GPATCH1: variants seen among roughly 807,000 people sequenced by gnomAD.
The protein encoded by GPATCH1 is G-patch domain containing 1.
In GPATCH1, 73 loss-of-function variants were observed where a neutral mutation model predicts 114.9. The observed-to-expected ratio is 0.64, with a 90% CI of 0.53 to 0.77. The LOEUF is 0.77. Ranked by LOEUF, GPATCH1 falls within the 30% of genes least tolerant of loss-of-function variation. GPATCH1 has a pLI of 0.00. For synonymous variants in GPATCH1, 391 were observed against 428.4 expected (o/e 0.91, Z 1.08); for missense variants, 1,058 against 1,144.3 (o/e 0.92, Z 1.09).
chr19:33,113,521 C>G (rs1212994047), intron 13 of GPATCH1: 2 of 421,604 alleles, frequency 4.7e-6, no homozygotes, highest in Non-Finnish European at 8.5e-6. Flanking sequence ...ATATTTTTAT[C>G]AGTGGAGCTT....
chr19:33,091,579 G>A lies in GPATCH1; in HGVS notation c.294+714G>A, dbSNP rs1459739482. Among the ~76,000 whole-genome samples, 7 of 151,944 alleles carry A rather than the reference G, an allele frequency of 4.6e-5. No individual in the cohort carries two copies. The South Asian group carries it at 1.2e-3, about 27-fold the overall frequency. Reference sequence around the variant, plus strand: ...ACTTCTGCTACCTTAAAACCTGGTCGCGGATTCACCCATGATAAAGATTAA... The same window carrying A: ...ACTTCTGCTACCTTAAAACCTGGTCACGGATTCACCCATGATAAAGATTAA... On this transcript the variant is annotated intron_variant, in intron 3 of 19. Transcript: ENST00000170564.
intron 7 of GPATCH1, among the ~76,000 whole-genome samples, chr19:33,096,892 G>A (rs74915301): frequency 0.2 from 30,499 of 150,958 alleles, 4,455 homozygotes; most frequent in African/African-American, 0.41. Flanking sequence ...GCCTCCCAAA[G>A]TGCTAGGATT....
chr19:33,086,356 G>A (rs1972533998), intron 1 of GPATCH1, among the ~76,000 whole-genome samples: 1 of 152,158 alleles, frequency 6.6e-6, no homozygotes, highest in South Asian at 2.1e-4. Flanking sequence ...GTTTACGTAT[G>A]ATATTTAATC....
chr19:33,115,950 C>CT (rs984154828), intron 15 of GPATCH1, among the ~76,000 whole-genome samples: 2 of 151,126 alleles, frequency 1.3e-5, no homozygotes, highest in African/African-American at 4.9e-5. Flanking sequence ...TTTTTTGTTT[C>CT]TTTTTTTCCC....
At chr19:33,117,543 C>T (rs542269883) in intron 15 of GPATCH1, among the ~76,000 whole-genome samples, 2 of 152,274 alleles carry the variant, frequency 1.3e-5, no homozygotes, top group South Asian at 4.1e-4. Flanking sequence ...ATCCACCCGC[C>T]TAGGCCTCCC....
intron 15 of GPATCH1, among the ~76,000 whole-genome samples, chr19:33,116,839 T>A (rs887967397): frequency 3.3e-5 from 5 of 152,056 alleles, no homozygotes; most frequent in Non-Finnish European, 5.9e-5. Flanking sequence ...AATTTTTTTT[T>A]AAATTAAACT....
At chr19:33,106,608 C>G in intron 9 of GPATCH1, 87 bp from the exon 10 acceptor site, 4 of 1,117,202 alleles carry the variant, frequency 3.6e-6, no homozygotes, top group Non-Finnish European at 5.3e-6. Flanking sequence ...GCGGGGTTAA[C>G]AAGGCTCAGA....
At chr19:33,123,017 A>G (rs562279488) in intron 17 of GPATCH1, among the ~76,000 whole-genome samples, 1 of 151,972 alleles carries the variant, frequency 6.6e-6, no homozygotes, top group Non-Finnish European at 1.5e-5. Flanking sequence ...GGCTACAGTG[A>G]GCTATGATCC....
intron 17 of GPATCH1, among the ~76,000 whole-genome samples, chr19:33,122,327 T>G (rs1972993724): frequency 2.8e-5 from 1 of 35,386 alleles, no homozygotes; most frequent in Non-Finnish European, 3.8e-5. Context: ...CTTTAGTTTC[T>G]TTTTTTTTTT....
chr19:33,100,138 A>T (rs1972709127), intron 8 of GPATCH1: 1 of 151,580 alleles, frequency 6.6e-6, no homozygotes, highest in Non-Finnish European at 1.5e-5. Context: ...TATTTTTCTG[A>T]TTCTGTCTTT....
intron 11 of GPATCH1, 130 bp downstream of exon 11, chr19:33,110,146 A>G (rs1445904050): frequency 6.5e-6 from 5 of 772,714 alleles, no homozygotes; most frequent in Non-Finnish European, 4.1e-6. Context: ...TCCTGCTGCA[A>G]ATAGTGCAAA....
chr19:33,111,719 C>G lies in GPATCH1; in HGVS notation c.1586-5C>G, dbSNP rs202191781. 143 of 1,612,906 alleles carry G rather than the reference C, an allele frequency of 8.9e-5. No individual in the cohort carries two copies. The highest frequency in any genetic ancestry group is 1.0e-4 in the Non-Finnish European group (122 of 1,179,778). ...GAAGCTGCTTCTTGTTCTCTGCCCC[C>G]GCAGATGCTCTGGAACGCTGTCTGG... is the stretch of plus-strand genomic sequence containing the variant. On this transcript the variant is annotated splice_polypyrimidine_tract_variant and splice_region_variant and intron_variant, in intron 11 of 19. Transcript: ENST00000170564.
chr19:33,093,648 G>C lies in GPATCH1; in HGVS notation c.455+129G>C. 4.7e-6 allele frequency: 4 copies of C among 850,184 alleles called. No individual in the cohort carries two copies. The South Asian group carries it at 5.0e-5, about 11-fold the overall frequency. 52.7% of individuals were successfully genotyped at this position (850,184 alleles called of 1,614,324 possible). A position where few individuals can be genotyped will look rare whatever the true frequency, so the allele number is the denominator to read the frequency against. ...TAGGCTCAAAGTCTAAGTGAAAAAG[G>C]GGGTTTTGCGTAAAGGATCTTGCAC... On this transcript the variant is annotated intron_variant, in intron 4 of 19. Coordinates refer to ENST00000170564, the MANE Select transcript of GPATCH1 (RefSeq NM_018025.3).
intron 10 of GPATCH1, among the ~76,000 whole-genome samples, chr19:33,107,994 T>TC (rs1972805942): frequency 6.6e-6 from 1 of 151,996 alleles, no homozygotes; most frequent in Non-Finnish European, 1.5e-5. Flanking sequence ...ATGCTATCCC[T>TC]CCCCGCTTCC....
Position 33,086,833 on chromosome 19 carries a change from A to T in GPATCH1, c.74-1301A>T, listed in dbSNP as rs570641442. 3.0e-4 allele frequency among the ~76,000 whole-genome samples: 46 copies of T among 151,992 alleles called. No individual in the cohort carries two copies. The South Asian group carries it at 4.6e-3, about 15-fold the overall frequency. ...TCTTTAAACCTGGGCTCTTGGCTGG[A>T]CGCGGTCGCTCACACCTGTAATCCC... On this transcript the variant is annotated intron_variant, in intron 1 of 19. Transcript: ENST00000170564.
chr19:33,109,326 G>A (rs1314643532), intron 10 of GPATCH1, among the ~76,000 whole-genome samples: 1 of 152,184 alleles, frequency 6.6e-6, no homozygotes, highest in Non-Finnish European at 1.5e-5. Context: ...AGACCAACCT[G>A]GCCGACATGA....
chr19:33,114,121 C>T (rs779306405), intron 14 of GPATCH1, 132 bp from the exon 15 acceptor site: 20 of 942,930 alleles, frequency 2.1e-5, no homozygotes, highest in Non-Finnish European at 3.0e-5. Context: ...TGCCACCTAC[C>T]TCCCCAGGAC....
At chr19:33,088,899 CG>C (rs1972564048) in intron 2 of GPATCH1, among the ~76,000 whole-genome samples, 1 of 149,456 alleles carries the variant, frequency 6.7e-6, no homozygotes, top group South Asian at 2.1e-4. Context: ...TCAAGTGATC[CG>C]CCTGTCTTGG....
intron 8 of GPATCH1, among the ~76,000 whole-genome samples, chr19:33,098,899 C>A (rs1041564274): frequency 5.9e-5 from 9 of 151,812 alleles, no homozygotes; most frequent in Non-Finnish European, 7.4e-5. Flanking sequence ...GTACTTACTT[C>A]CTTTTTTTTT....
Sources: allele counts gnomAD v4.1 joint callset (sites outside exome capture counted in the v4.1 genomes callset), GRCh38; gene constraint gnomAD v4.1.1; transcripts MANE v1.5; gene names NCBI Gene and HGNC (gene_info 2026-07-23, HGNC 2026-07-21).